The following RAB7A variants were observed in gnomAD, a reference collection of about 807,000 sequenced individuals.
The protein encoded by RAB7A is RAB7A, member RAS oncogene family.
RAB7A carries 2 observed loss-of-function variants against 24.5 expected under a neutral mutation model. The observed-to-expected ratio is 0.08, with a 90% CI of 0.03 to 0.26. The LOEUF (loss-of-function observed/expected upper bound fraction) is 0.26, where lower values mean the gene tolerates loss of function less well. RAB7A is among the 10% of genes least tolerant of loss of function. The probability of loss-of-function intolerance (pLI) is 1.00; values close to 1 mark genes in which losing one functional copy is unlikely to be tolerated. For missense variants in RAB7A, 118 were observed against 255.7 expected, an observed-to-expected ratio of 0.46 and a Z score of 3.67; for synonymous variants, 100 against 95.9, an observed-to-expected ratio of 1.04 and a Z score of -0.25.
intron 1 of RAB7A, among the ~76,000 whole-genome samples, chr3:128,745,247 A>G (rs865801643): frequency 6.6e-6 from 1 of 152,198 alleles, no homozygotes; most frequent in Non-Finnish European, 1.5e-5. Context: ...AAACTAGGGT[A>G]TGCACTGCCC....
chr3:128,765,124 T>A, intron 1 of RAB7A: 1 of 726,650 alleles, frequency 1.4e-6, no homozygotes, highest in Non-Finnish European at 2.4e-6. Context: ...GAGGGCTGGC[T>A]ACGGGCGGCC....
intron 1 of RAB7A, among the ~76,000 whole-genome samples, chr3:128,741,008 G>A (rs866390063): frequency 6.7e-6 from 1 of 148,996 alleles, no homozygotes. Context: ...AGAAATTTAA[G>A]TATATATAAT....
At chr3:128,780,052 C>G (rs1219795764) in intron 1 of RAB7A, among the ~76,000 whole-genome samples, 1 of 152,180 alleles carries the variant, frequency 6.6e-6, no homozygotes, top group African/African-American at 2.4e-5. Flanking sequence ...TCATGCTGAT[C>G]ATGTTCCTCC....
intron 1 of RAB7A, among the ~76,000 whole-genome samples, chr3:128,782,354 C>T (rs1933238944): frequency 6.6e-6 from 1 of 152,122 alleles, no homozygotes; most frequent in African/African-American, 2.4e-5. Context: ...ACCGTTCTCC[C>T]TCATGGTCCA....
At chr3:128,737,136 C>T (rs1382862010) in intron 1 of RAB7A, among the ~76,000 whole-genome samples, 3 of 151,078 alleles carry the variant, frequency 2.0e-5, no homozygotes, top group East Asian at 3.9e-4. Flanking sequence ...CTTCCGGGTT[C>T]ACGCCCTTCT....
At chr3:128,770,504 G>A (rs1386099316) in intron 1 of RAB7A, among the ~76,000 whole-genome samples, 1 of 152,172 alleles carries the variant, frequency 6.6e-6, no homozygotes, top group Admixed American at 6.6e-5. Flanking sequence ...TTTAAACTAA[G>A]CTAGGATCTC....
intron 1 of RAB7A, among the ~76,000 whole-genome samples, chr3:128,732,689 G>A (rs902965991): frequency 1.3e-5 from 2 of 152,104 alleles, no homozygotes; most frequent in African/African-American, 4.8e-5. Flanking sequence ...AATTAGGTGG[G>A]TGTGGTGGTA....
intron 1 of RAB7A, among the ~76,000 whole-genome samples, chr3:128,743,099 G>A (rs935485660): frequency 4.6e-5 from 7 of 152,200 alleles, no homozygotes; most frequent in Non-Finnish European, 1.0e-4. Context: ...GTGAGAATTC[G>A]AATGTGGCAC....
At chr3:128,810,219 T>TA (rs1933896483) in intron 5 of RAB7A, among the ~76,000 whole-genome samples, 1 of 152,042 alleles carries the variant, frequency 6.6e-6, no homozygotes, top group Non-Finnish European at 1.5e-5. Flanking sequence ...GTGCTGGGGT[T>TA]ACAGGCATGA....
intron 1 of RAB7A, among the ~76,000 whole-genome samples, chr3:128,732,246 G>A (rs1400308019): frequency 1.3e-5 from 2 of 151,602 alleles, no homozygotes; most frequent in Admixed American, 6.6e-5. Context: ...CACCATGTTG[G>A]CCAGGATGGT....
At chr3:128,748,350 C>A (rs146558193) in intron 1 of RAB7A, among the ~76,000 whole-genome samples, 1,819 of 152,284 alleles carry the variant, frequency 0.012, 33 homozygotes, top group African/African-American at 0.039. Context: ...TGCCCTAACA[C>A]TTGTTCTTCT....
chr3:128,798,047 A>G lies in RAB7A; in HGVS notation c.158A>G (p.Asp53Gly). 1 of 1,614,150 alleles carries G rather than the reference A, an allele frequency of 6.2e-7. No individual in the cohort carries two copies. Among genetic ancestry groups the G allele is most frequent in the Non-Finnish European group, 8.5e-7 (1 of 1,179,982 alleles). Residue 53 changes from aspartate to glycine, a missense_variant, in exon 3 of 6, where the codon GAT becomes GGT. Asp to Gly is a moderately conservative substitution (Grantham distance 94). Coordinates refer to ENST00000265062, the MANE Select transcript of RAB7A (RefSeq NM_004637.6). Reference protein sequence around the residue: ...ADFLTKEVMVDDRLVTMQIWD... With the variant: ...ADFLTKEVMVGDRLVTMQIWD... ...TTTCTGACCAAGGAGGTGATGGTGG[A>G]TGACAGGCTAGTCACAATGCAGGTA...
chr3:128,811,129 ATTCT>A (rs1933916952), intron 5 of RAB7A, among the ~76,000 whole-genome samples: 1 of 150,764 alleles, frequency 6.6e-6, no homozygotes, highest in Non-Finnish European at 1.5e-5. Context: ...AGATTGATTG[ATTCT>A]TTTTTTTTTT....
At position 128,813,387 on chromosome 3, in the gene RAB7A, C is replaced by T. The variant is rs745507763; in HGVS notation, c.589C>T (p.Arg197Trp). 9.3e-6 allele frequency: 15 copies of T among 1,614,048 alleles called. No individual in the cohort carries two copies. The highest frequency in any genetic ancestry group is 2.2e-5 in the East Asian group (1 of 44,894). ...PEPIKLDKND[R>W]AKASAESCSC ...ACCTATCAAACTGGACAAGAATGACCGGGCCAAGGCCTCGGCAGAAAGCTG... is the reference window on the plus strand; with the variant it reads ...ACCTATCAAACTGGACAAGAATGACTGGGCCAAGGCCTCGGCAGAAAGCTG... The change falls in exon 6 of 6, where the codon CGG (arginine) becomes TGG (tryptophan). Residue 197 changes from arginine to tryptophan, a missense_variant. Physicochemically the swap from Arg to Trp is moderately radical, Grantham distance 101. Around this residue, in one of 2 missense-constraint regions of RAB7A, gnomAD observed 66 missense variants for 82.2 expected, o/e 0.80. Coordinates refer to ENST00000265062, the MANE Select transcript of RAB7A (RefSeq NM_004637.6).
chr3:128,767,646 A>T (rs2070844572), intron 1 of RAB7A, among the ~76,000 whole-genome samples: 1 of 152,212 alleles, frequency 6.6e-6, no homozygotes, highest in Non-Finnish European at 1.5e-5. Flanking sequence ...CTTGGGAAGG[A>T]CAGACGGGGT....
intron 2 of RAB7A, 93 bp downstream of exon 2, chr3:128,795,513 T>C: frequency 2.5e-6 from 3 of 1,208,600 alleles, no homozygotes; most frequent in Non-Finnish European, 3.7e-6. Flanking sequence ...ACTTCTTGCT[T>C]TCATAGTGAG....
rs143808910 is a variant in RAB7A, at chr3:128,808,760, T to C, written c.528+1089T>C. ...AGGTTTGGGAGGATGCATAGAACACTTGAAGCACATGGTGGCTGTGAAGGG... is the reference window on the plus strand; with the variant it reads ...AGGTTTGGGAGGATGCATAGAACACCTGAAGCACATGGTGGCTGTGAAGGG... On this transcript the variant is annotated intron_variant, in intron 5 of 5. Coordinates refer to ENST00000265062, the MANE Select transcript of RAB7A (RefSeq NM_004637.6). Among the ~76,000 whole-genome samples, 461 of 152,194 alleles carry C rather than the reference T, an allele frequency of 3.0e-3. 1 individual carries two copies. The highest frequency in any genetic ancestry group is 0.01 in the African/African-American group (435 of 41,496).
At chr3:128,740,258 G>C (rs1020481254) in intron 1 of RAB7A, among the ~76,000 whole-genome samples, 2 of 151,838 alleles carry the variant, frequency 1.3e-5, no homozygotes, top group African/African-American at 4.8e-5. Flanking sequence ...GCGTGCACTT[G>C]TAATCCCAGC....
At chr3:128,764,352 TA>T in intron 1 of RAB7A, 1 of 622,258 alleles carries the variant, frequency 1.6e-6, no homozygotes, top group Non-Finnish European at 2.9e-6. Context: ...TCGAAGAACT[TA>T]AGTGGATGTT....
Sources: gnomAD v4.1 joint callset for allele counts (sites outside exome capture counted in the v4.1 genomes callset) on GRCh38, gnomAD v4.1.1 for gene constraint, gnomAD v4.1.1 regional missense constraint, MANE v1.5 for transcripts, NCBI Gene and HGNC (gene_info 2026-07-23, HGNC 2026-07-21) for gene names.